The following ZC3H12B variants were observed in gnomAD, a reference collection of about 807,000 sequenced individuals.
ZC3H12B encodes zinc finger CCCH-type containing 12B, also known as probable ribonuclease ZC3H12B.
A neutral mutation model predicts 43.9 loss-of-function variants in ZC3H12B; 7 were observed. The ratio of observed to expected loss-of-function variants is 0.16; its 90% CI spans 0.09 to 0.30. The LOEUF (loss-of-function observed/expected upper bound fraction) is 0.30, where lower values mean the gene tolerates loss of function less well. ZC3H12B is among the 10% of genes least tolerant of loss of function. ZC3H12B has a pLI of 1.00. For missense variants in ZC3H12B, 475 were observed against 670.2 expected, an observed-to-expected ratio of 0.71 and a Z score of 3.22; for synonymous variants, 222 against 241.7, an observed-to-expected ratio of 0.92 and a Z score of 0.76.
At chrX:65,322,362 C>T in the ZC3H12B span, among the ~76,000 whole-genome samples, 1 of 111,933 alleles carries the variant, frequency 8.9e-6, no homozygotes, top group South Asian at 3.7e-4. Context: ...ATTAAATTTC[C>T]ACATGAGTTT....
the ZC3H12B span, among the ~76,000 whole-genome samples, chrX:65,149,958 CTGAT>C: frequency 9.1e-6 from 1 of 109,832 alleles, no homozygotes; most frequent in African/African-American, 3.3e-5. Context: ...AGCCAGTAAA[CTGAT>C]TGAGTTCCTT....
Position 65,497,064 on chromosome X carries a change from G to T in ZC3H12B, c.609-68G>T. The T allele has an allele frequency of 4.0e-6, 4 of 993,692 alleles. No homozygotes were observed. The South Asian group carries it at 9.4e-5, about 23-fold the overall frequency. 81.9% of individuals were successfully genotyped at this position (993,692 alleles called of 1,213,427 possible). A position where few individuals can be genotyped will look rare whatever the true frequency, so the allele number is the denominator to read the frequency against. Reference sequence around the variant, plus strand: ...ATTAATACCTTGGTACTAAGAAAAAGCCTGCTTCAGATATTTCTTTGCTAT... The same window carrying T: ...ATTAATACCTTGGTACTAAGAAAAATCCTGCTTCAGATATTTCTTTGCTAT... On this transcript the variant is annotated intron_variant, in intron 1 of 4. Coordinates refer to ENST00000338957, the Ensembl canonical transcript of ZC3H12B.
At chrX:65,038,845 G>A in the ZC3H12B span, among the ~76,000 whole-genome samples, 14 of 111,263 alleles carry the variant, frequency 1.3e-4, 1 homozygote, top group Admixed American at 6.7e-4. Context: ...CCTTAAATAC[G>A]TAGTTTTAAA....
the ZC3H12B span, among the ~76,000 whole-genome samples, chrX:65,211,696 T>A: frequency 2.2e-5 from 2 of 89,224 alleles, no homozygotes; most frequent in Non-Finnish European, 4.2e-5. Context: ...TATAATATTA[T>A]ATAATATATA....
chrX:65,439,332 C>T (rs990297388), intron 3 of ZC3H12B, among the ~76,000 whole-genome samples: 17 of 111,987 alleles, frequency 1.5e-4, no homozygotes, highest in African/African-American at 4.9e-4. Context: ...ATTATACCTA[C>T]CATCTTACCA....
the ZC3H12B span, among the ~76,000 whole-genome samples, chrX:65,075,033 CATTTAAGA>C: frequency 8.9e-6 from 1 of 111,761 alleles, no homozygotes; most frequent in African/African-American, 3.3e-5. Context: ...TGGATCCATG[CATTTAAGA>C]AAATGACCAC....
chrX:65,093,897 G>T, the ZC3H12B span, among the ~76,000 whole-genome samples: 2 of 111,054 alleles, frequency 1.8e-5, no homozygotes, highest in African/African-American at 6.6e-5. Context: ...GGTGATTTGG[G>T]AGGGGCCTGG....
chrX:65,476,347 G>C (rs1260215972), intron 3 of ZC3H12B, among the ~76,000 whole-genome samples: 2 of 111,520 alleles, frequency 1.8e-5, no homozygotes, highest in African/African-American at 6.5e-5. Context: ...TTATTTTCAA[G>C]TTCACAGATT....
the ZC3H12B span, among the ~76,000 whole-genome samples, chrX:65,314,720 C>A: frequency 5.4e-5 from 6 of 111,053 alleles, no homozygotes; most frequent in Admixed American, 9.6e-5. Context: ...TGAAGAGCAA[C>A]AGAAATGGTA....
At chrX:65,429,752 G>A (rs1347887028) in intron 3 of ZC3H12B, among the ~76,000 whole-genome samples, 4 of 112,302 alleles carry the variant, frequency 3.6e-5, no homozygotes, top group African/African-American at 9.7e-5. Context: ...CTGGCAGGGA[G>A]GTCCCATTCA....
chrX:65,416,264 CTT>C (rs2066959280), intron 3 of ZC3H12B, among the ~76,000 whole-genome samples: 1 of 111,476 alleles, frequency 9.0e-6, no homozygotes, highest in African/African-American at 3.3e-5. Flanking sequence ...TCTTATGTCT[CTT>C]TTATATAGTT....
intron 3 of ZC3H12B, among the ~76,000 whole-genome samples, chrX:65,440,635 G>A (rs1367434792): frequency 8.9e-6 from 1 of 112,187 alleles, no homozygotes; most frequent in Non-Finnish European, 1.9e-5. Context: ...CTCAGCCAAA[G>A]GGATAGTAAA....
At chrX:65,237,073 A>C in the ZC3H12B span, among the ~76,000 whole-genome samples, 1 of 111,985 alleles carries the variant, frequency 8.9e-6, no homozygotes, top group South Asian at 3.7e-4. Context: ...GTTTCTTCTA[A>C]TTCTGTGAAG....
At chrX:65,189,050 G>T in the ZC3H12B span, among the ~76,000 whole-genome samples, 2 of 98,277 alleles carry the variant, frequency 2.0e-5, no homozygotes, top group Non-Finnish European at 4.0e-5. Flanking sequence ...TGCGGTGTTT[G>T]GTTTTTTGTT....
rs186153244 is a variant in ZC3H12B, at chrX:65,420,132, C to G, written n.407+21428C>G. ...GACCCAGACACAAGGCCTATCCCAGCATTAGGCCAGGCCCCAAAGCCTGCC... is the reference window on the plus strand; with the variant it reads ...GACCCAGACACAAGGCCTATCCCAGGATTAGGCCAGGCCCCAAAGCCTGCC... On this transcript the variant is annotated intron_variant and non_coding_transcript_variant, in intron 3 of 5. Coordinates refer to the ZC3H12B transcript ENST00000617377. Among the ~76,000 whole-genome samples, 3 of 112,039 alleles carry G rather than the reference C, an allele frequency of 2.7e-5. No homozygotes were observed. In the East Asian group the frequency reaches 8.5e-4, roughly 32 times the overall value.
chrX:65,320,093 G>A, the ZC3H12B span, among the ~76,000 whole-genome samples: 2 of 111,221 alleles, frequency 1.8e-5, no homozygotes, highest in African/African-American at 3.3e-5. Flanking sequence ...AATAAGAAGA[G>A]AGGAAGTAAA....
chrX:65,140,048 T>C, the ZC3H12B span, among the ~76,000 whole-genome samples: 9 of 111,226 alleles, frequency 8.1e-5, no homozygotes, highest in African/African-American at 2.9e-4. Flanking sequence ...AGGGACAGTT[T>C]AGCTTCTTTC....
At chrX:65,254,232 G>A in the ZC3H12B span, among the ~76,000 whole-genome samples, 1 of 112,520 alleles carries the variant, frequency 8.9e-6, no homozygotes, top group South Asian at 3.6e-4. Context: ...ACACCTGAAT[G>A]GACACTAACA....
At chrX:65,295,237 T>C in the ZC3H12B span, among the ~76,000 whole-genome samples, 6 of 111,450 alleles carry the variant, frequency 5.4e-5, no homozygotes, top group Admixed American at 2.9e-4. Flanking sequence ...AAATTGGAAA[T>C]CAACTCCAAA....
Sources: gnomAD v4.1 joint callset for allele counts (sites outside exome capture counted in the v4.1 genomes callset) on GRCh38, gnomAD v4.1.1 for gene constraint, MANE v1.5 for transcripts, NCBI Gene and HGNC (gene_info 2026-07-23, HGNC 2026-07-21) for gene names.